SORCS1: variants seen among roughly 807,000 people sequenced by gnomAD.
The protein encoded by SORCS1 is VPS10 domain-containing receptor SorCS1.
In SORCS1, 60 loss-of-function variants were observed where a neutral mutation model predicts 146.1. The observed-to-expected ratio is 0.41, with a 90% CI of 0.33 to 0.51. The LOEUF is 0.51. Among genes scored for constraint, SORCS1 ranks in the 20% least tolerant of loss-of-function variants. The pLI is 0.21. For synonymous variants in SORCS1, 637 were observed against 584.0 expected (o/e 1.09, Z -1.31); for missense variants, 1,352 against 1,487.6 (o/e 0.91, Z 1.50).
intron 1 of SORCS1, among the ~76,000 whole-genome samples, chr10:106,963,110 ATTTTTT>A (rs749174613): frequency 5.2e-5 from 4 of 76,296 alleles, no homozygotes; most frequent in Admixed American, 2.2e-4. Flanking sequence ...AATGGCCAGA[ATTTTTT>A]TTTTTTTTTT....
Position 106,699,265 on chromosome 10 carries a change from A to G in SORCS1, c.1362T>C (p.Asn454=). 1.2e-6 allele frequency: 2 copies of G among 1,614,004 alleles called. No individual in the cohort carries two copies. Among genetic ancestry groups the G allele is most frequent in the Non-Finnish European group, 1.7e-6 (2 of 1,179,906 alleles). ...RGVYFTLALE[N]VQSSRGPEGN... ...CCTCAGGGCCTCTGCTGCTCTGGAC[A>G]TTCTCCAAGGCCAGGGTGAAGTAGA... The change falls in exon 9 of 26, where the codon AAT becomes AAC. Residue 454 remains asparagine, a synonymous_variant. Coordinates refer to ENST00000263054, the MANE Select transcript of SORCS1 (RefSeq NM_052918.5).
chr10:106,911,028 C>T (rs779710263), intron 2 of SORCS1, among the ~76,000 whole-genome samples: 1 of 152,142 alleles, frequency 6.6e-6, no homozygotes, highest in Non-Finnish European at 1.5e-5. Context: ...ATTTCTGATG[C>T]CTGTTCTTGG....
At chr10:106,817,958 GC>G (rs1455168053) in intron 3 of SORCS1, among the ~76,000 whole-genome samples, 1 of 152,132 alleles carries the variant, frequency 6.6e-6, no homozygotes, top group African/African-American at 2.4e-5. Context: ...AACTCTTAAA[GC>G]CTTTGTTGTC....
chr10:107,111,431 T>C (rs938577137), intron 1 of SORCS1, among the ~76,000 whole-genome samples: 7 of 152,040 alleles, frequency 4.6e-5, no homozygotes, highest in Non-Finnish European at 8.8e-5. Context: ...TATTAAAAAA[T>C]TCAACAGACA....
chr10:106,639,216 G>C (rs1163077761), intron 18 of SORCS1, among the ~76,000 whole-genome samples: 1 of 152,218 alleles, frequency 6.6e-6, no homozygotes, highest in African/African-American at 2.4e-5. Context: ...GGATTGCATG[G>C]TGTGGTGAAA....
chr10:106,798,517 T>C (rs1392264658), intron 3 of SORCS1, among the ~76,000 whole-genome samples: 1 of 144,428 alleles, frequency 6.9e-6, no homozygotes, highest in Non-Finnish European at 1.5e-5. Flanking sequence ...AATTCCCACC[T>C]ATGAATGAGA....
chr10:107,018,341 ATTTT>A (rs1957985812), intron 1 of SORCS1, among the ~76,000 whole-genome samples: 1 of 151,610 alleles, frequency 6.6e-6, no homozygotes, highest in South Asian at 2.1e-4. Context: ...CGCCTGGCTA[ATTTT>A]TTTATTTTTT....
chr10:107,014,253 C>CAAAAAAAAAAAAA (rs562179526), intron 1 of SORCS1, among the ~76,000 whole-genome samples: 4 of 79,304 alleles, frequency 5.0e-5, no homozygotes, highest in Non-Finnish European at 7.2e-5. Flanking sequence ...GACCCTGCGT[C>CAAAAAAAAAAAAA]AAAAAAAAAA....
chr10:106,702,233 T>C (rs1589695170), intron 8 of SORCS1, among the ~76,000 whole-genome samples: 1 of 152,196 alleles, frequency 6.6e-6, no homozygotes, highest in Non-Finnish European at 1.5e-5. Context: ...CCTAAATCCT[T>C]ACCTTGGCCT....
At chr10:106,828,297 A>G (rs1007436484) in intron 3 of SORCS1, among the ~76,000 whole-genome samples, 1 of 152,188 alleles carries the variant, frequency 6.6e-6, no homozygotes, top group African/African-American at 2.4e-5. Context: ...CAGAATGAAC[A>G]TTACACTTTA....
rs116257808 is a variant in SORCS1, at chr10:107,159,790, G to A, written c.558+4179C>T. 4.1e-3 allele frequency among the ~76,000 whole-genome samples: 626 copies of A among 151,822 alleles called. 6 individuals carry two copies. Among genetic ancestry groups the A allele is most frequent in the African/African-American group, 0.013 (519 of 41,364 alleles). On this transcript the variant is annotated intron_variant, in intron 1 of 25. Transcript: ENST00000263054. ...GAAGGAATTACGTGGACTTGCTAGAGAAAGCTAAAATCTTTCATCATTTTA... is the reference window on the plus strand; with the variant it reads ...GAAGGAATTACGTGGACTTGCTAGAAAAAGCTAAAATCTTTCATCATTTTA...
At chr10:107,039,765 G>A (rs10884404) in intron 1 of SORCS1, among the ~76,000 whole-genome samples, 4 of 152,102 alleles carry the variant, frequency 2.6e-5, no homozygotes, top group Admixed American at 6.5e-5. Flanking sequence ...CACAATAACC[G>A]AAGGTTAAAT....
chr10:107,101,061 T>C (rs891118182), intron 1 of SORCS1, among the ~76,000 whole-genome samples: 2 of 151,784 alleles, frequency 1.3e-5, no homozygotes, highest in South Asian at 4.2e-4. Context: ...CACTTAGCTA[T>C]TTTTTTTCTT....
At chr10:106,930,241 CACT>C (rs1266820476) in intron 2 of SORCS1, among the ~76,000 whole-genome samples, 1 of 151,826 alleles carries the variant, frequency 6.6e-6, no homozygotes, top group Non-Finnish European at 1.5e-5. Flanking sequence ...GAGATCGTGC[CACT>C]GCACCCCAGC....
At chr10:106,920,916 T>C (rs1159679450) in intron 2 of SORCS1, among the ~76,000 whole-genome samples, 1 of 152,040 alleles carries the variant, frequency 6.6e-6, no homozygotes, top group African/African-American at 2.4e-5. Context: ...GGCCTGCTTG[T>C]CCCTCCAGAG....
Position 107,164,147 on chromosome 10 carries a change from C to T in SORCS1, c.380G>A (p.Ser127Asn), listed in dbSNP as rs1388922540. The change falls in exon 1 of 26, where the codon AGC becomes AAC. Residue 127 changes from serine (S) to asparagine (N), a missense_variant. Physicochemically the swap from Ser to Asn is conservative, Grantham distance 46 (BLOSUM62 1). Around this residue, in one of 3 missense-constraint regions of SORCS1, gnomAD observed 490 missense variants for 489.1 expected, o/e 1.00. Transcript: ENST00000263054. This position sits in a 1 kb window ranked among gnomAD's most constrained non-coding sequence, Gnocchi z 6.8. ...TCCATCTCTTAGCACTCCCCGGGGG[C>T]TCCGACTCGCGCCCTCTCCCCGTTC... Reference protein sequence around the residue: ...KAERGEGASRSPRGVLRDGGQ... With the variant: ...KAERGEGASRNPRGVLRDGGQ... 4 of 1,613,154 alleles carry T rather than the reference C, an allele frequency of 2.5e-6. No homozygotes were observed. The highest frequency in any genetic ancestry group is 3.4e-6 in the Non-Finnish European group (4 of 1,180,002).
chr10:106,620,238 G>A (rs1406581471), intron 20 of SORCS1, 190 bp downstream of exon 20: 1 of 578,244 alleles, frequency 1.7e-6, no homozygotes, highest in East Asian at 3.4e-5. Context: ...TGCAGAAGGT[G>A]GAGAGGGGCC....
At chr10:106,677,171 T>C (rs953025859) in intron 13 of SORCS1, 142 bp downstream of exon 13, 1 of 718,070 alleles carries the variant, frequency 1.4e-6, no homozygotes, top group East Asian at 2.7e-5. Context: ...GTGTGGAGAG[T>C]AACAGGACCT....
intron 4 of SORCS1, among the ~76,000 whole-genome samples, chr10:106,772,606 A>G (rs1230942605): frequency 6.6e-6 from 1 of 152,178 alleles, no homozygotes; most frequent in African/African-American, 2.4e-5. Context: ...AGTAAAAACA[A>G]AAAATATCAA....
Sources: gnomAD v4.1 joint callset for allele counts (sites outside exome capture counted in the v4.1 genomes callset) on GRCh38, gnomAD v4.1.1 for gene constraint, gnomAD v4.1.1 regional missense constraint, Gnocchi (gnomAD v3.1) non-coding constraint, MANE v1.5 for transcripts, NCBI Gene and HGNC (gene_info 2026-07-23, HGNC 2026-07-21) for gene names.